Variants in SSBP2 observed in about 807,000 individuals in gnomAD.
SSBP2 encodes the protein single-stranded DNA-binding protein 2.
A neutral mutation model predicts 61.8 loss-of-function variants in SSBP2; 17 were observed. The observed-to-expected ratio is 0.28, with a 90% CI of 0.19 to 0.41. The LOEUF is 0.41. Among genes scored for constraint, SSBP2 ranks in the 10% least tolerant of loss-of-function variants. The pLI is 1.00. For missense variants in SSBP2, 310 were observed against 458.7 expected (o/e 0.68, Z 2.96); for synonymous variants, 139 against 141.3 (o/e 0.98, Z 0.12).
intron 4 of SSBP2, among the ~76,000 whole-genome samples, chr5:81,576,683 G>A (rs1368247304): frequency 1.3e-5 from 2 of 151,876 alleles, no homozygotes; most frequent in African/African-American, 2.4e-5. Flanking sequence ...ACCAAATACT[G>A]CCTAAAGCTT....
chr5:81,502,701 C>A (rs1037212335), intron 5 of SSBP2, among the ~76,000 whole-genome samples: 1 of 152,178 alleles, frequency 6.6e-6, no homozygotes, highest in Non-Finnish European at 1.5e-5. Context: ...ACATCAACTC[C>A]ATTCTTCCAG....
At chr5:81,505,150 G>GT (rs35912452) in intron 5 of SSBP2, among the ~76,000 whole-genome samples, 33,844 of 151,448 alleles carry the variant, frequency 0.22, 3,877 homozygotes, top group Non-Finnish European at 0.24. Context: ...CCCATCACCT[G>GT]TTTTTTTTTG....
intron 2 of SSBP2, among the ~76,000 whole-genome samples, chr5:81,642,395 C>T (rs1748868422): frequency 1.3e-5 from 2 of 152,216 alleles, no homozygotes; most frequent in South Asian, 4.1e-4. Flanking sequence ...TCTCCTTTAA[C>T]TTTCATGTAA....
chr5:81,597,768 A>G (rs945031336), intron 4 of SSBP2, among the ~76,000 whole-genome samples: 1 of 150,728 alleles, frequency 6.6e-6, no homozygotes, highest in Non-Finnish European at 1.5e-5. Flanking sequence ...ACAAAAAACC[A>G]AACACCGCAT....
At position 81,414,048 on chromosome 5, in the gene SSBP2, C is replaced by T. The variant is rs574778345; in HGVS notation, c.*6456G>A. The T allele has an allele frequency of 4.6e-5, 7 of 152,146 alleles. No homozygotes were observed. The highest frequency in any genetic ancestry group is 1.2e-4 in the African/African-American group (5 of 41,528). 9.4% of individuals were successfully genotyped at this position (152,146 alleles called of 1,614,324 possible). A position where few individuals can be genotyped will look rare whatever the true frequency, so the allele number is the denominator to read the frequency against. Reference sequence around the variant, plus strand: ...TCCTTTACATCATTTTTTCTAGGAACATTAATAGTTGCCTTTGTTATGATA... The same window carrying T: ...TCCTTTACATCATTTTTTCTAGGAATATTAATAGTTGCCTTTGTTATGATA... On this transcript the variant is annotated 3_prime_UTR_variant, in exon 17 of 17. Transcript: ENST00000320672.
At chr5:81,579,274 TG>T (rs939590823) in intron 4 of SSBP2, among the ~76,000 whole-genome samples, 3 of 151,988 alleles carry the variant, frequency 2.0e-5, no homozygotes, top group Non-Finnish European at 2.9e-5. Context: ...TAAATTTGGC[TG>T]GGGAGGAGTG....
At chr5:81,616,839 C>T (rs906463341) in intron 3 of SSBP2, among the ~76,000 whole-genome samples, 2 of 152,282 alleles carry the variant, frequency 1.3e-5, no homozygotes, top group African/African-American at 4.8e-5. Context: ...CCAGCAGGGG[C>T]AGACTGACAC....
At chr5:81,568,121 A>G (rs575879143) in intron 4 of SSBP2, among the ~76,000 whole-genome samples, 5 of 152,274 alleles carry the variant, frequency 3.3e-5, no homozygotes, top group South Asian at 4.1e-4. Context: ...ATGTGAAGAT[A>G]TGAGATTTTG....
rs529514821 is a variant in SSBP2 at position 81,691,787 on chromosome 5, A to G, written c.63-41448T>C. Among the ~76,000 whole-genome samples the G allele has an allele frequency of 2.3e-4, 35 of 152,316 alleles. 1 individual carries two copies. The highest frequency in any genetic ancestry group is 1.9e-3 in the Admixed American group (29 of 15,304). On this transcript the variant is annotated intron_variant, in intron 1 of 16. Coordinates refer to ENST00000320672, the MANE Select transcript of SSBP2 (RefSeq NM_012446.5). ...AAGAAAACTACAAGCCAATATCCCT[A>G]ATGAACACTGATGTAAACATCTTCA...
chr5:81,658,800 C>T (rs1415978273), intron 1 of SSBP2, among the ~76,000 whole-genome samples: 2 of 152,136 alleles, frequency 1.3e-5, no homozygotes, highest in Non-Finnish European at 1.5e-5. Flanking sequence ...TCCAGCAGCA[C>T]ATCAAAAAGC....
At chr5:81,512,915 A>G (rs762356320) in intron 5 of SSBP2, among the ~76,000 whole-genome samples, 7 of 152,036 alleles carry the variant, frequency 4.6e-5, no homozygotes, top group Non-Finnish European at 5.9e-5. Flanking sequence ...ATTTTCTTAA[A>G]CGGTATTATA....
At chr5:81,740,883 C>A (rs1034138199) in intron 1 of SSBP2, among the ~76,000 whole-genome samples, 2 of 152,200 alleles carry the variant, frequency 1.3e-5, no homozygotes, top group Non-Finnish European at 2.9e-5. Context: ...ACCTTTTTAG[C>A]AGCTATAAAA....
chr5:81,611,100 A>G (rs1745396814), intron 4 of SSBP2, among the ~76,000 whole-genome samples: 1 of 152,212 alleles, frequency 6.6e-6, no homozygotes, highest in African/African-American at 2.4e-5. Context: ...CTAAGTAACT[A>G]TTACTTATCT....
At chr5:81,716,052 G>A (rs551783634) in intron 1 of SSBP2, among the ~76,000 whole-genome samples, 1 of 151,380 alleles carries the variant, frequency 6.6e-6, no homozygotes, top group African/African-American at 2.4e-5. Context: ...GTGAGACCCT[G>A]TCTCAAAAAC....
chr5:81,449,826 A>G (rs556578699), intron 10 of SSBP2, among the ~76,000 whole-genome samples: 1 of 152,282 alleles, frequency 6.6e-6, no homozygotes, highest in Non-Finnish European at 1.5e-5. Flanking sequence ...ACATGTCCCA[A>G]GGCTCTGCTT....
At chr5:81,657,208 T>C (rs1195962792) in intron 1 of SSBP2, among the ~76,000 whole-genome samples, 2 of 152,188 alleles carry the variant, frequency 1.3e-5, no homozygotes, top group Non-Finnish European at 2.9e-5. Context: ...TTATATCCTT[T>C]TATATCCCAG....
At chr5:81,607,237 A>C (rs1181202793) in intron 4 of SSBP2, among the ~76,000 whole-genome samples, 1 of 152,208 alleles carries the variant, frequency 6.6e-6, no homozygotes, top group Non-Finnish European at 1.5e-5. Context: ...GGATGAGCTA[A>C]GGTGATAAAC....
intron 1 of SSBP2, among the ~76,000 whole-genome samples, chr5:81,659,487 C>T (rs1006676828): frequency 1.3e-5 from 2 of 152,116 alleles, no homozygotes; most frequent in African/African-American, 4.8e-5. Context: ...TCAAGGAGAA[C>T]TACAAACCAC....
At chr5:81,702,985 A>G (rs564380116) in intron 1 of SSBP2, among the ~76,000 whole-genome samples, 37 of 152,162 alleles carry the variant, frequency 2.4e-4, no homozygotes, top group Non-Finnish European at 4.3e-4. Context: ...ATTCCCCACT[A>G]TCTACAACAG....
Sources: gnomAD v4.1 joint callset for allele counts (sites outside exome capture counted in the v4.1 genomes callset) on GRCh38, gnomAD v4.1.1 for gene constraint, MANE v1.5 for transcripts, NCBI Gene and HGNC (gene_info 2026-07-23, HGNC 2026-07-21) for gene names.